Variants in SCART1 observed in about 807,000 individuals in gnomAD.
SCART1 encodes scavenger receptor family member expressed on T cells 1, also known as scavenger receptor cysteine-rich domain-containing protein SCART1.
SCART1 carries 62 observed loss-of-function variants against 36.2 expected under a neutral mutation model. The observed-to-expected ratio is 1.71, with a 90% CI of 1.40 to 2.12. The LOEUF is 2.12. SCART1 is among the 30% of genes most tolerant of loss of function. The probability of loss-of-function intolerance (pLI) is 0.00; values close to 1 mark genes in which losing one functional copy is unlikely to be tolerated. For synonymous variants in SCART1, 487 were observed against 238.7 expected, an observed-to-expected ratio of 2.04 and a Z score of -9.59; for missense variants, 1,041 against 540.5, an observed-to-expected ratio of 1.93 and a Z score of -9.18.
rs757566376 is a variant in SCART1, at chr10:133,459,080, G to A, written c.1039G>A (p.Gly347Arg). 7 of 702,006 alleles carry A rather than the reference G, an allele frequency of 1.0e-5. No homozygotes were observed. In the South Asian group the frequency reaches 1.0e-4, roughly 10 times the overall value. 43.5% of individuals were successfully genotyped at this position (702,006 alleles called of 1,614,324 possible). ...GGGCCGCGTGGAGTTCCAGGTGCAG[G>A]GGTCCTGGGCACCCCTCTGTGCCAC... The change falls in exon 5 of 12, where the codon GGG becomes AGG. Residue 347 changes from glycine to arginine, a missense_variant. Transcript: ENST00000640237.
At chr10:133,456,065 G>A (rs1460515946) in intron 1 of SCART1, among the ~76,000 whole-genome samples, 172 bp from the exon 2 acceptor site, 2 of 152,144 alleles carry the variant, frequency 1.3e-5, no homozygotes, top group African/African-American at 2.4e-5. Flanking sequence ...CACATGGGGT[G>A]AGGGTTTCTC....
intron 1 of SCART1, among the ~76,000 whole-genome samples, chr10:133,455,349 G>C (rs916165522): frequency 5.9e-5 from 9 of 152,128 alleles, no homozygotes; most frequent in Non-Finnish European, 1.2e-4. Context: ...AGGCTGGGGG[G>C]TGTGGAGGGA....
intron 4 of SCART1, 63 bp downstream of exon 4, chr10:133,458,719 G>A (rs964085130): frequency 2.5e-5 from 17 of 692,140 alleles, no homozygotes; most frequent in African/African-American, 7.1e-5. Flanking sequence ...AAATCCCTTC[G>A]TGCCCTAAAG....
chr10:133,458,818 G>A (rs1850655774), intron 4 of SCART1, 162 bp downstream of exon 4: 3 of 663,478 alleles, frequency 4.5e-6, no homozygotes, highest in Admixed American at 2.7e-5. Flanking sequence ...GTAGAGTGAT[G>A]TACCCCAAGG....
chr10:133,466,083 G>A, intron 9 of SCART1, 152 bp from the exon 10 acceptor site: 1 of 628,300 alleles, frequency 1.6e-6, no homozygotes, highest in Non-Finnish European at 2.8e-6. Context: ...GCTCTGCACA[G>A]CTGAAACCAG....
intron 2 of SCART1, among the ~76,000 whole-genome samples, 168 bp downstream of exon 2, chr10:133,456,722 A>G (rs968940773): frequency 6.6e-6 from 1 of 152,068 alleles, no homozygotes; most frequent in Non-Finnish European, 1.5e-5. Flanking sequence ...CTCTCTGGGC[A>G]CCGGGGCCAT....
At position 133,467,827 on chromosome 10, in the gene SCART1, C is replaced by T. The variant is rs770094437; in HGVS notation, c.2963-20C>T. The T allele has an allele frequency of 6.1e-6, 4 of 660,932 alleles. No homozygotes were observed. The highest frequency in any genetic ancestry group is 1.8e-5 in the African/African-American group (1 of 56,196). The allele number at this position is 660,932 out of a possible 1,614,324, so 40.9% of individuals were successfully genotyped here. A position where few individuals can be genotyped will look rare whatever the true frequency, so the allele number is the denominator to read the frequency against. ...ACTTGCACGTGTGCTGATTTGGTCA[C>T]GCGGTGTCTCTTGCGCCAGTTTCAG... is the stretch of plus-strand genomic sequence containing the variant. On this transcript the variant is annotated intron_variant, in intron 11 of 11. Transcript: ENST00000640237.
Position 133,460,471 on chromosome 10 carries a change from C to CATATATATATATATAT in SCART1, c.1969+304_1969+319dup, listed in dbSNP as rs55751015. On this transcript the variant is annotated intron_variant, in intron 6 of 11. Transcript: ENST00000640237. ...GCGCTTGAAGTTTCCATCCGAAATT[C>CATATATATATATATAT]ATATATATATATATATATTTATATA... Among the ~76,000 whole-genome samples, 71 of 136,478 alleles carry CATATATATATATATAT rather than the reference C, an allele frequency of 5.2e-4. 2 individuals are homozygous for CATATATATATATATAT. The highest frequency in any genetic ancestry group is 1.9e-3 in the African/African-American group (67 of 35,506). 89.5% of individuals were successfully genotyped at this position (136,478 alleles called of 152,430 possible). A position where few individuals can be genotyped will look rare whatever the true frequency, so the allele number is the denominator to read the frequency against.
intron 3 of SCART1, chr10:133,458,081 T>C: frequency 1.5e-6 from 1 of 651,438 alleles, no homozygotes; most frequent in Non-Finnish European, 2.8e-6. Context: ...CAGAGGGTGT[T>C]GCTGTCATGG....
At chr10:133,459,092 C>T (rs61744149) in exon 5 of SCART1, 3,649 of 702,502 alleles carry the variant, frequency 5.2e-3, no homozygotes, top group Non-Finnish European at 7.7e-3. Flanking sequence ...GTCCTGGGCA[C>T]CCCTCTGTGC....
rs12415486 is a variant in SCART1, at chr10:133,466,300, C to G, written c.2725C>G (p.Leu909Val). ...GACATTCTGGGTGGTCAGTGTCGTC[C>G]TGGGATCCCTTCTTGGTCTTCTCCT... Residue 909 changes from leucine to valine, a missense_variant, in exon 10 of 12, where the codon CTG becomes GTG. Physicochemically the swap from Leu to Val is conservative, Grantham distance 32 (BLOSUM62 1). Coordinates refer to ENST00000640237, the Ensembl canonical transcript of SCART1. The G allele has an allele frequency of 9.4e-3, 6,621 of 702,848 alleles. 494 individuals are homozygous for G. The Admixed American group carries it at 0.13, about 13-fold the overall frequency. 43.5% of individuals were successfully genotyped at this position (702,848 alleles called of 1,614,324 possible). A position where few individuals can be genotyped will look rare whatever the true frequency, so the allele number is the denominator to read the frequency against.
rs1564836157 is a variant in SCART1 at position 133,466,247 on chromosome 10, GC to G, written c.2678del (p.Pro893HisfsTer32). On this transcript the variant is annotated frameshift_variant, in exon 10 of 12. Coordinates refer to ENST00000640237, the Ensembl canonical transcript of SCART1. LOFTEE classifies it high-confidence loss of function. Reference sequence around the variant, plus strand: ...TCTCCTTTCTCAGAGCCTGGCCCAGGCCCCCCACTGCCTGCAGCTCCCTTCC... The same window carrying G: ...TCTCCTTTCTCAGAGCCTGGCCCAGGCCCCCACTGCCTGCAGCTCCCTTCC... The G allele has an allele frequency of 2.8e-6, 2 of 702,484 alleles. No homozygotes were observed. The highest frequency in any genetic ancestry group is 5.2e-6 in the Non-Finnish European group (2 of 384,770). The allele number at this position is 702,484 out of a possible 1,614,324, so 43.5% of individuals were successfully genotyped here. A position where few individuals can be genotyped will look rare whatever the true frequency, so the allele number is the denominator to read the frequency against.
exon 4 of SCART1, chr10:133,458,489 G>A (rs866905258): frequency 1.1e-4 from 75 of 688,816 alleles, no homozygotes; most frequent in African/African-American, 9.7e-4. Flanking sequence ...GAGCTGCAGT[G>A]TGGGGCGGTC....
chr10:133,466,819 G>A (rs1341369244), intron 10 of SCART1, among the ~76,000 whole-genome samples: 4 of 152,200 alleles, frequency 2.6e-5, no homozygotes, highest in Admixed American at 6.5e-5. Context: ...AAGTCAACAC[G>A]GTGGATCAGC....
rs1850784044 is a variant in SCART1, at chr10:133,468,130, TA to T, written c.*165del. On this transcript the variant is annotated 3_prime_UTR_variant, in exon 12 of 12. Transcript: ENST00000640237. ...AGTCCTTCCAGGCCCTGCCTGGCTC[TA>T]AACCTCATCCCCTTCGAGGGCCATC... 7 of 536,546 alleles carry T rather than the reference TA, an allele frequency of 1.3e-5. No homozygotes were observed. The East Asian group carries it at 2.1e-4, about 16-fold the overall frequency. The allele number at this position is 536,546 out of a possible 1,614,324, so 33.2% of individuals were successfully genotyped here. A position where few individuals can be genotyped will look rare whatever the true frequency, so the allele number is the denominator to read the frequency against.
Position 133,457,503 on chromosome 10 carries a change from C to T in SCART1, c.610C>T (p.Arg204Cys), listed in dbSNP as rs531755508. 11 of 702,686 alleles carry T rather than the reference C, an allele frequency of 1.6e-5. 1 individual carries two copies. Among genetic ancestry groups the T allele is most frequent in the South Asian group, 5.9e-5 (4 of 67,568 alleles). 43.5% of individuals were successfully genotyped at this position (702,686 alleles called of 1,614,324 possible). Residue 204 changes from arginine to cysteine, a missense_variant, in exon 3 of 12, where the codon CGC (arginine) becomes TGC (cysteine). Arg to Cys is a radical substitution (Grantham distance 180, BLOSUM62 -3). Transcript: ENST00000640237. ...CTGCAGGGGTACCGAGCCCACCATCCGCAGCTGCAGACTGGACAACAACTT... is the reference window on the plus strand; with the variant it reads ...CTGCAGGGGTACCGAGCCCACCATCTGCAGCTGCAGACTGGACAACAACTT...
chr10:133,465,645 G>A (rs561737488), intron 9 of SCART1, 80 bp downstream of exon 9: 16 of 594,874 alleles, frequency 2.7e-5, no homozygotes, highest in South Asian at 2.6e-4. Flanking sequence ...TGTCACTTCG[G>A]TGGGCAGGAG....
At position 133,454,132 on chromosome 10, in the gene SCART1, G is replaced by C. The variant is rs56978130; in HGVS notation, c.67+68G>C. 7.1e-6 allele frequency: 5 copies of C among 701,712 alleles called. No homozygotes were observed. In the Admixed American group the frequency reaches 1.0e-4, roughly 14 times the overall value. 43.5% of individuals were successfully genotyped at this position (701,712 alleles called of 1,614,324 possible). A position where few individuals can be genotyped will look rare whatever the true frequency, so the allele number is the denominator to read the frequency against. ...TCAGCTCTGTTGATGCCCAGGCCCC[G>C]GGGCATGAGGGTCCCTGCAGTGACC... On this transcript the variant is annotated intron_variant, in intron 1 of 11. Coordinates refer to ENST00000640237, the Ensembl canonical transcript of SCART1.
chr10:133,459,499 C>T (rs1335989083), exon 6 of SCART1: 7 of 653,492 alleles, frequency 1.1e-5, no homozygotes, highest in Middle Eastern at 2.6e-4. Flanking sequence ...CTGGCCCACG[C>T]CCTGCGACTG....
Sources: allele counts gnomAD v4.1 joint callset (sites outside exome capture counted in the v4.1 genomes callset), GRCh38; gene constraint gnomAD v4.1.1; transcripts MANE v1.5; gene names NCBI Gene and HGNC (gene_info 2026-07-23, HGNC 2026-07-21).